Variants in CDK8 observed in about 807,000 individuals in gnomAD.
CDK8 encodes cyclin dependent kinase 8.
A neutral mutation model predicts 71.5 loss-of-function variants in CDK8; 29 were observed. The ratio of observed to expected loss-of-function variants is 0.41; its 90% CI spans 0.30 to 0.55. The LOEUF (loss-of-function observed/expected upper bound fraction) is 0.55, where lower values mean the gene tolerates loss of function less well. CDK8 is among the 20% of genes least tolerant of loss of function. CDK8 has a pLI of 0.37. For synonymous variants in CDK8, 161 were observed against 192.1 expected (o/e 0.84, Z 1.34); for missense variants, 288 against 572.6 (o/e 0.50, Z 5.07).
chr13:26,323,879 A>G (rs1437578947), intron 1 of CDK8, among the ~76,000 whole-genome samples: 1 of 152,104 alleles, frequency 6.6e-6, no homozygotes, highest in Non-Finnish European at 1.5e-5. Context: ...TTTTGCAGCT[A>G]TATGAAACCT....
chr13:26,352,101 G>A (rs556530260), intron 3 of CDK8, among the ~76,000 whole-genome samples: 2 of 150,860 alleles, frequency 1.3e-5, no homozygotes, highest in Admixed American at 6.6e-5. Flanking sequence ...TTCTTACTGC[G>A]GCAGAGTTTT....
intron 12 of CDK8, among the ~76,000 whole-genome samples, chr13:26,403,533 A>G (rs577114506): frequency 1.1e-4 from 16 of 152,204 alleles, no homozygotes; most frequent in Non-Finnish European, 2.2e-4. Flanking sequence ...TTCTCCTATC[A>G]TACTCACTTT....
At chr13:26,311,833 A>G (rs1194302110) in intron 1 of CDK8, among the ~76,000 whole-genome samples, 1 of 152,188 alleles carries the variant, frequency 6.6e-6, no homozygotes, top group East Asian at 1.9e-4. Context: ...AAGAAGTAAG[A>G]TTATCTTTGG....
At chr13:26,375,012 T>A (rs975047497) in intron 4 of CDK8, among the ~76,000 whole-genome samples, 2 of 152,184 alleles carry the variant, frequency 1.3e-5, no homozygotes, top group African/African-American at 4.8e-5. Flanking sequence ...GGAAATGAGC[T>A]ATATAAATTA....
At chr13:26,375,391 G>C (rs987646804) in intron 4 of CDK8, among the ~76,000 whole-genome samples, 9 of 152,146 alleles carry the variant, frequency 5.9e-5, no homozygotes, top group African/African-American at 2.2e-4. Context: ...CAGCTTCACT[G>C]CCTGCTCACT....
intron 5 of CDK8, among the ~76,000 whole-genome samples, chr13:26,384,031 T>C (rs979001578): frequency 2.0e-5 from 3 of 152,184 alleles, no homozygotes; most frequent in African/African-American, 7.2e-5. Flanking sequence ...CAAACAGTAA[T>C]TACAAAAGTG....
intron 1 of CDK8, among the ~76,000 whole-genome samples, chr13:26,260,649 G>C (rs1871732175): frequency 1.3e-5 from 2 of 152,078 alleles, no homozygotes; most frequent in Admixed American, 6.5e-5. Context: ...TGAAAGGTAG[G>C]GACAGGGCTT....
intron 1 of CDK8, among the ~76,000 whole-genome samples, chr13:26,270,748 GT>G (rs1872278006): frequency 6.6e-6 from 1 of 152,138 alleles, no homozygotes; most frequent in South Asian, 2.1e-4. Flanking sequence ...GAATATTTGG[GT>G]TCTTTCTACT....
Position 26,400,049 on chromosome 13 carries a change from C to A in CDK8, c.934-404C>A, listed in dbSNP as rs577023454. On this transcript the variant is annotated intron_variant, in intron 9 of 12. Coordinates refer to ENST00000381527, the MANE Select transcript of CDK8 (RefSeq NM_001260.3). ...GGGAGATTGACTTTTTTATTTAATT[C>A]AGTTTTGATTAACTTGGATCTAAAT... 2.9e-3 allele frequency: 570 copies of A among 198,260 alleles called. 1 individual carries two copies. The highest frequency in any genetic ancestry group is 4.4e-3 in the Non-Finnish European group (430 of 97,166). 12.3% of individuals were successfully genotyped at this position (198,260 alleles called of 1,614,324 possible). A position where few individuals can be genotyped will look rare whatever the true frequency, so the allele number is the denominator to read the frequency against.
rs746239579 is a variant in CDK8 at position 26,393,352 on chromosome 13, C to G, written c.647-15C>G. Reference sequence around the variant, plus strand: ...CCTATTTTTCTTTCTTTTTTTTTTTCTTTTTGTTTTAAAGATATTTGGGCT... The same window carrying G: ...CCTATTTTTCTTTCTTTTTTTTTTTGTTTTTGTTTTAAAGATATTTGGGCT... On this transcript the variant is annotated splice_polypyrimidine_tract_variant and intron_variant, in intron 6 of 12. Coordinates refer to ENST00000381527, the MANE Select transcript of CDK8 (RefSeq NM_001260.3). 2.6e-5 allele frequency: 32 copies of G among 1,215,702 alleles called. No homozygotes were observed. The highest frequency in any genetic ancestry group is 6.2e-5 in the Admixed American group (2 of 32,418). The allele number at this position is 1,215,702 out of a possible 1,614,324, so 75.3% of individuals were successfully genotyped here.
intron 4 of CDK8, among the ~76,000 whole-genome samples, chr13:26,379,406 A>G (rs976958717): frequency 3.9e-5 from 6 of 152,186 alleles, no homozygotes; most frequent in African/African-American, 1.2e-4. Context: ...TGACAAAGAT[A>G]CTATTTATCC....
chr13:26,375,534 A>G (rs1006173956), intron 4 of CDK8, among the ~76,000 whole-genome samples: 1 of 152,268 alleles, frequency 6.6e-6, no homozygotes, highest in South Asian at 2.1e-4. Flanking sequence ...ACCTATGCAT[A>G]TATCTTTCCA....
chr13:26,285,164 G>A (rs942563866), intron 1 of CDK8, among the ~76,000 whole-genome samples: 9 of 152,112 alleles, frequency 5.9e-5, no homozygotes, highest in Non-Finnish European at 8.8e-5. Context: ...GCTTGAACCC[G>A]AGAGGTCGAG....
At chr13:26,362,269 T>TGG (rs1381192660) in intron 4 of CDK8, among the ~76,000 whole-genome samples, 12 of 149,864 alleles carry the variant, frequency 8.0e-5, no homozygotes, top group East Asian at 7.8e-4. Context: ...GATGGATGGA[T>TGG]AGATAGATGA....
chr13:26,336,550 C>CTTTTTTTTT (rs1227344754), intron 1 of CDK8, among the ~76,000 whole-genome samples: 14 of 121,186 alleles, frequency 1.2e-4, no homozygotes, highest in African/African-American at 3.5e-4. Flanking sequence ...TCTGAGGAGT[C>CTTTTTTTTT]TTTTTTTTTT....
Position 26,353,731 on chromosome 13 carries a change from T to C in CDK8, c.316-9T>C. 6.3e-7 allele frequency: 1 copy of C among 1,594,338 alleles called. No individual in the cohort carries two copies. The highest frequency in any genetic ancestry group is 8.5e-7 in the Non-Finnish European group (1 of 1,169,924). On this transcript the variant is annotated splice_polypyrimidine_tract_variant and intron_variant, in intron 3 of 12. Transcript: ENST00000381527. ...TAAGCTTCTGTTGATATTTTTTTCTTTCTTTCAGCATATAATCAAGTTTCA... is the reference window on the plus strand; with the variant it reads ...TAAGCTTCTGTTGATATTTTTTTCTCTCTTTCAGCATATAATCAAGTTTCA...
chr13:26,404,488 G>A lies in CDK8; in HGVS notation c.*407G>A. On this transcript the variant is annotated 3_prime_UTR_variant, in exon 13 of 13. Coordinates refer to ENST00000381527, the MANE Select transcript of CDK8 (RefSeq NM_001260.3). ...CCAATAGTACACACACAGACACAAAGTTTAACTGGTACTTGAAACATACAG... is the reference window on the plus strand; with the variant it reads ...CCAATAGTACACACACAGACACAAAATTTAACTGGTACTTGAAACATACAG... 4.1e-6 allele frequency: 1 copy of A among 242,262 alleles called. No individual in the cohort carries two copies. The highest frequency in any genetic ancestry group is 8.1e-6 in the Non-Finnish European group (1 of 123,182). The allele number at this position is 242,262 out of a possible 1,614,324, so 15.0% of individuals were successfully genotyped here. A position where few individuals can be genotyped will look rare whatever the true frequency, so the allele number is the denominator to read the frequency against.
intron 1 of CDK8, among the ~76,000 whole-genome samples, chr13:26,315,583 C>T (rs1001423493): frequency 9.2e-5 from 14 of 152,052 alleles, no homozygotes; most frequent in African/African-American, 3.4e-4. Flanking sequence ...TAAATGATAG[C>T]AATTTGTGAA....
intron 3 of CDK8, among the ~76,000 whole-genome samples, chr13:26,351,471 TAA>T (rs920570076): frequency 1.2e-4 from 18 of 152,248 alleles, no homozygotes; most frequent in African/African-American, 4.3e-4. Flanking sequence ...TCATAAGAAA[TAA>T]AGTCATATAA....
Sources: gnomAD v4.1 joint callset for allele counts (sites outside exome capture counted in the v4.1 genomes callset) on GRCh38, gnomAD v4.1.1 for gene constraint, MANE v1.5 for transcripts, NCBI Gene and HGNC (gene_info 2026-07-23, HGNC 2026-07-21) for gene names.